The following FSTL4 variants were observed in gnomAD, a reference collection of about 807,000 sequenced individuals.
FSTL4 encodes follistatin-related protein 4.
FSTL4 carries 28 observed loss-of-function variants against 78.2 expected under a neutral mutation model. The ratio of observed to expected loss-of-function variants is 0.36; its 90% confidence interval spans 0.27 to 0.49. FSTL4 has a LOEUF of 0.49. Among genes scored for constraint, FSTL4 ranks in the 20% least tolerant of loss-of-function variants. The probability of loss-of-function intolerance (pLI) is 0.98; values close to 1 mark genes in which losing one functional copy is unlikely to be tolerated. For synonymous variants in FSTL4, 422 were observed against 440.5 expected (o/e 0.96, Z 0.53); for missense variants, 922 against 1,084.9 (o/e 0.85, Z 2.11).
the FSTL4 span, among the ~76,000 whole-genome samples, chr5:133,697,188 C>G: frequency 6.6e-6 from 1 of 152,214 alleles, no homozygotes; most frequent in Non-Finnish European, 1.5e-5. Flanking sequence ...GCTGAGCCCA[C>G]ACTGCTGGCA....
At chr5:133,464,170 C>G (rs1757652724) in intron 3 of FSTL4, among the ~76,000 whole-genome samples, 1 of 152,184 alleles carries the variant, frequency 6.6e-6, no homozygotes, top group Non-Finnish European at 1.5e-5. Context: ...AGTGTTGGGG[C>G]CGCCCCTCCC....
Position 133,220,855 on chromosome 5 carries a change from C to T in FSTL4, c.1351G>A (p.Gly451Arg), listed in dbSNP as rs1256082069. The change falls in exon 12 of 16, where the codon GGA becomes AGA. Residue 451 changes from glycine to arginine, a missense_variant. Physicochemically the swap from Gly to Arg is moderately radical, Grantham distance 125. Transcript: ENST00000265342. ...ILWREEGLSV[G>R]NMFYVFSDDG... ...TCGGAGAAGACATAGAACATGTTTC[C>T]CACGCTGAGGCCTGGGAGGAGCAAA... 4.4e-6 allele frequency: 7 copies of T among 1,605,310 alleles called. No individual in the cohort carries two copies. Among genetic ancestry groups the T allele is most frequent in the Non-Finnish European group, 6.0e-6 (7 of 1,171,980 alleles).
At chr5:133,723,070 T>C in the FSTL4 span, among the ~76,000 whole-genome samples, 1 of 152,164 alleles carries the variant, frequency 6.6e-6, no homozygotes, top group Non-Finnish European at 1.5e-5. Context: ...GACTGGGATC[T>C]AATGCACAGG....
chr5:133,491,604 A>G lies in FSTL4; in HGVS notation c.160+75582T>C, dbSNP rs1052544314. Among the ~76,000 whole-genome samples the G allele has an allele frequency of 1.8e-4, 28 of 151,948 alleles. 1 individual carries two copies. The highest frequency in any genetic ancestry group is 2.9e-4 in the Non-Finnish European group (20 of 67,980). Reference sequence around the variant, plus strand: ...TTTTTAGTAGAGACAGGGTTTCACCATGTTAACCAGGATGGTCTCAATCTC... The same window carrying G: ...TTTTTAGTAGAGACAGGGTTTCACCGTGTTAACCAGGATGGTCTCAATCTC... On this transcript the variant is annotated intron_variant, in intron 3 of 15. Coordinates refer to ENST00000265342, the MANE Select transcript of FSTL4 (RefSeq NM_015082.2).
the FSTL4 span, among the ~76,000 whole-genome samples, chr5:133,723,957 A>G: frequency 1.3e-5 from 2 of 152,196 alleles, no homozygotes; most frequent in Non-Finnish European, 2.9e-5. Flanking sequence ...CAAGGATGGT[A>G]TACTGCCAGG....
intron 1 of FSTL4, among the ~76,000 whole-genome samples, chr5:133,609,192 C>T (rs1458239985): frequency 1.3e-5 from 2 of 152,168 alleles, no homozygotes; most frequent in Non-Finnish European, 2.9e-5. Flanking sequence ...CCAAGCAATG[C>T]CACCCAGCCT....
At chr5:133,390,383 T>C (rs936715984) in intron 4 of FSTL4, among the ~76,000 whole-genome samples, 7 of 152,266 alleles carry the variant, frequency 4.6e-5, no homozygotes, top group African/African-American at 1.7e-4. Context: ...AGGGAAGAAC[T>C]CTCTAGGAGA....
At chr5:133,771,688 T>C in the FSTL4 span, among the ~76,000 whole-genome samples, 1 of 152,080 alleles carries the variant, frequency 6.6e-6, no homozygotes, top group Non-Finnish European at 1.5e-5. Flanking sequence ...TGAACAGGGA[T>C]AATTTGACTT....
At chr5:133,651,593 T>C in the FSTL4 span, among the ~76,000 whole-genome samples, 3 of 152,166 alleles carry the variant, frequency 2.0e-5, no homozygotes, top group Admixed American at 6.6e-5. Context: ...TAAACTTCAC[T>C]TGGTCATAGT....
intron 2 of FSTL4, among the ~76,000 whole-genome samples, chr5:133,597,548 G>A (rs1390603557): frequency 6.6e-6 from 1 of 152,072 alleles, no homozygotes. Context: ...AAAAATAATG[G>A]GTTTCTGTGA....
At chr5:133,344,882 C>G (rs956561081) in intron 4 of FSTL4, among the ~76,000 whole-genome samples, 2 of 152,002 alleles carry the variant, frequency 1.3e-5, no homozygotes, top group African/African-American at 4.8e-5. Context: ...CCTGGCTTAG[C>G]TCTTCTGTTT....
intron 4 of FSTL4, among the ~76,000 whole-genome samples, chr5:133,375,102 G>T (rs553726991): frequency 6.6e-6 from 1 of 151,472 alleles, no homozygotes; most frequent in Non-Finnish European, 1.5e-5. Flanking sequence ...GCATAACCTG[G>T]TTGGCAGTCT....
At chr5:133,384,104 TAA>T (rs1755642191) in intron 4 of FSTL4, among the ~76,000 whole-genome samples, 1 of 152,092 alleles carries the variant, frequency 6.6e-6, no homozygotes, top group Non-Finnish European at 1.5e-5. Flanking sequence ...TGAGGAGAGG[TAA>T]AGACTTCTGG....
chr5:133,223,046 G>A (rs78322643), intron 11 of FSTL4, among the ~76,000 whole-genome samples: 1 of 152,304 alleles, frequency 6.6e-6, no homozygotes, highest in Non-Finnish European at 1.5e-5. Flanking sequence ...CACATTCCAT[G>A]GGGCCTCTTG....
At chr5:133,267,101 C>G (rs767349748) in intron 6 of FSTL4, among the ~76,000 whole-genome samples, 99 of 152,186 alleles carry the variant, frequency 6.5e-4, no homozygotes, top group Non-Finnish European at 3.2e-4. Flanking sequence ...GACCACTTTT[C>G]CCGGGAGGAG....
chr5:133,591,532 AC>A (rs1372377375), intron 2 of FSTL4, among the ~76,000 whole-genome samples: 1 of 151,978 alleles, frequency 6.6e-6, no homozygotes, highest in Non-Finnish European at 1.5e-5. Flanking sequence ...CCAGCGCTGC[AC>A]CCACATCCTC....
At chr5:133,653,390 A>G in the FSTL4 span, among the ~76,000 whole-genome samples, 47 of 152,290 alleles carry the variant, frequency 3.1e-4, no homozygotes, top group East Asian at 8.9e-3. Context: ...GGAGGCCTCC[A>G]TAGAATCCTA....
chr5:133,506,983 G>A (rs1488226885), intron 3 of FSTL4, among the ~76,000 whole-genome samples: 3 of 152,186 alleles, frequency 2.0e-5, no homozygotes, highest in African/African-American at 7.2e-5. Flanking sequence ...AGGCCAAGGT[G>A]GATTACCTGA....
the FSTL4 span, among the ~76,000 whole-genome samples, chr5:133,691,010 G>A: frequency 6.6e-6 from 1 of 152,184 alleles, no homozygotes; most frequent in African/African-American, 2.4e-5. Flanking sequence ...AATCAGGGAA[G>A]CTCTGAGCTC....
Sources: gnomAD v4.1 joint callset for allele counts (sites outside exome capture counted in the v4.1 genomes callset) on GRCh38, gnomAD v4.1.1 for gene constraint, MANE v1.5 for transcripts, NCBI Gene and HGNC (gene_info 2026-07-23, HGNC 2026-07-21) for gene names.